GLRB: variants seen among roughly 807,000 people sequenced by gnomAD.
GLRB encodes the protein glycine receptor beta, also known as glycine receptor subunit beta.
Under a neutral mutation model 54.2 loss-of-function variants are expected in GLRB, and 33 were observed. The observed-to-expected ratio is 0.61, with a 90% CI of 0.46 to 0.81. The LOEUF (loss-of-function observed/expected upper bound fraction) is 0.81. GLRB is among the 40% of genes least tolerant of loss of function. The pLI, the probability that GLRB is intolerant of heterozygous loss-of-function variation, is 0.00. For synonymous variants in GLRB, 209 were observed against 208.2 expected, an observed-to-expected ratio of 1.00 and a Z score of -0.03; for missense variants, 572 against 584.6, an observed-to-expected ratio of 0.98 and a Z score of 0.22.
chr4:157,091,983 A>G lies in GLRB; in HGVS notation c.122+13837A>G, dbSNP rs1327749159. Among the ~76,000 whole-genome samples, 4 of 152,340 alleles carry G rather than the reference A, an allele frequency of 2.6e-5. No individual in the cohort carries two copies. In the East Asian group the frequency reaches 7.7e-4, roughly 29 times the overall value. ...CAAAATCAAATGCTACAAAAAATCAATGATGATAAATTTAAGGTGAAATTG... is the reference window on the plus strand; with the variant it reads ...CAAAATCAAATGCTACAAAAAATCAGTGATGATAAATTTAAGGTGAAATTG... On this transcript the variant is annotated intron_variant, in intron 2 of 9. Coordinates refer to ENST00000264428, the MANE Select transcript of GLRB (RefSeq NM_000824.5).
Position 157,122,252 on chromosome 4 carries a change from G to A in GLRB, c.230-78G>A. On this transcript the variant is annotated intron_variant, in intron 3 of 9. Transcript: ENST00000264428. ...ATTGGAAAAAATATAATAATTAAAT[G>A]TGCAAACCAAAAAAACTATGATGAT... 8.0e-6 allele frequency: 5 copies of A among 626,352 alleles called. 1 individual carries two copies. In the South Asian group the frequency reaches 8.4e-5, roughly 10 times the overall value. The allele number at this position is 626,352 out of a possible 1,614,324, so 38.8% of individuals were successfully genotyped here. A position where few individuals can be genotyped will look rare whatever the true frequency, so the allele number is the denominator to read the frequency against.
chr4:157,150,901 G>C lies in GLRB; in HGVS notation c.905-1817G>C, dbSNP rs556302178. On this transcript the variant is annotated intron_variant, in intron 8 of 9. Transcript: ENST00000264428. The stretch of plus-strand genomic sequence containing the variant: ...CCCCAACTACTAATTTTCTTTCTCA[G>C]TCTATTTTGTATATCCACACCAAAG... Among the ~76,000 whole-genome samples the C allele has an allele frequency of 4.0e-5, 6 of 151,620 alleles. No homozygotes were observed. In the South Asian group the frequency reaches 1.0e-3, roughly 26 times the overall value.
At chr4:157,092,819 G>A (rs1407370238) in intron 2 of GLRB, among the ~76,000 whole-genome samples, 1 of 152,190 alleles carries the variant, frequency 6.6e-6, no homozygotes, top group Non-Finnish European at 1.5e-5. Context: ...GTAGTAGTCA[G>A]GTGGTTGTTT....
intron 4 of GLRB, among the ~76,000 whole-genome samples, chr4:157,122,600 C>T (rs1024856530): frequency 2.0e-5 from 3 of 151,718 alleles, no homozygotes; most frequent in Non-Finnish European, 3.0e-5. Flanking sequence ...TTTAATATTG[C>T]GTTAAAACTT....
At chr4:157,106,805 A>T (rs185896669) in intron 2 of GLRB, among the ~76,000 whole-genome samples, 2 of 152,202 alleles carry the variant, frequency 1.3e-5, no homozygotes, top group Admixed American at 6.5e-5. Context: ...ACTTGCCGAT[A>T]GCCTATCCTA....
chr4:157,077,952 C>A, intron 1 of GLRB, 44 bp from the exon 2 acceptor site: 1 of 1,310,674 alleles, frequency 7.6e-7, no homozygotes, highest in South Asian at 1.2e-5. Flanking sequence ...ATATAGTTAT[C>A]ATTTTCTTCA....
At chr4:157,145,053 A>C (rs1736758657) in intron 8 of GLRB, among the ~76,000 whole-genome samples, 2 of 152,226 alleles carry the variant, frequency 1.3e-5, no homozygotes, top group Admixed American at 6.5e-5. Context: ...GACTTGTCAA[A>C]AATATATATT....
At chr4:157,125,613 A>T (rs1735988836) in intron 4 of GLRB, among the ~76,000 whole-genome samples, 1 of 151,602 alleles carries the variant, frequency 6.6e-6, no homozygotes, top group Non-Finnish European at 1.5e-5. Flanking sequence ...CCTCCTAGAA[A>T]TCTCCCCTAC....
At chr4:157,163,616 T>C (rs1251080292) in intron 9 of GLRB, among the ~76,000 whole-genome samples, 3 of 152,298 alleles carry the variant, frequency 2.0e-5, no homozygotes, top group Non-Finnish European at 2.9e-5. Context: ...GGGCTGCCCC[T>C]TTCTTTGTCT....
chr4:157,143,989 C>A, intron 8 of GLRB, 30 bp downstream of exon 8: 1 of 1,599,394 alleles, frequency 6.3e-7, no homozygotes, highest in Non-Finnish European at 8.6e-7. Context: ...TTTGTCACAT[C>A]AGGAACAGAT....
Position 157,130,940 on chromosome 4 carries a change from C to T in GLRB, c.298-5529C>T, listed in dbSNP as rs138033905. On this transcript the variant is annotated intron_variant, in intron 4 of 9. Transcript: ENST00000264428. ...CTGATCCAAGGAAGAATTCAAGAGA[C>T]TGCAGTGAAAGAAATAATGCTGAAA... 5.7e-3 allele frequency among the ~76,000 whole-genome samples: 865 copies of T among 151,730 alleles called. 10 individuals carry two copies. The highest frequency in any genetic ancestry group is 0.019 in the African/African-American group (798 of 41,478).
chr4:157,171,649 T>A lies in GLRB; in HGVS notation c.*921T>A, dbSNP rs1025796360. Reference sequence around the variant, plus strand: ...AAAGAAATCCATAACTATTAAAAGATTTTAACTTTTTTATTTTATTAAAAT... The same window carrying A: ...AAAGAAATCCATAACTATTAAAAGAATTTAACTTTTTTATTTTATTAAAAT... On this transcript the variant is annotated 3_prime_UTR_variant, in exon 10 of 10. Transcript: ENST00000264428. The A allele has an allele frequency of 5.5e-4, 84 of 152,354 alleles. No homozygotes were observed. The highest frequency in any genetic ancestry group is 2.0e-3 in the African/African-American group (82 of 41,450). 9.4% of individuals were successfully genotyped at this position (152,354 alleles called of 1,614,324 possible).
chr4:157,112,876 G>A (rs558569347), intron 2 of GLRB, among the ~76,000 whole-genome samples: 3 of 152,068 alleles, frequency 2.0e-5, no homozygotes, highest in African/African-American at 7.2e-5. Context: ...CTGGAGGGGT[G>A]ACCTTGATGG....
chr4:157,169,376 G>C (rs1737832960), intron 9 of GLRB, among the ~76,000 whole-genome samples: 1 of 151,988 alleles, frequency 6.6e-6, no homozygotes, highest in African/African-American at 2.4e-5. Context: ...CTCAATCATT[G>C]GTATTAGCCT....
In GLRB at chr4:157,136,408, G is replaced by A. The variant is rs112901368; in HGVS notation, c.298-61G>A. 7.7e-3 allele frequency: 7,620 copies of A among 990,192 alleles called. 43 individuals are homozygous for A. The highest frequency in any genetic ancestry group is 0.01 in the Non-Finnish European group (6,326 of 620,566). 61.3% of individuals were successfully genotyped at this position (990,192 alleles called of 1,614,324 possible). On this transcript the variant is annotated intron_variant, in intron 4 of 9. Coordinates refer to ENST00000264428, the MANE Select transcript of GLRB (RefSeq NM_000824.5). Reference sequence around the variant, plus strand: ...TTGTAACCCTTTTTGTTTTGGGGCCGAATAAGTTCTTAAAAATAGCAATAA... The same window carrying A: ...TTGTAACCCTTTTTGTTTTGGGGCCAAATAAGTTCTTAAAAATAGCAATAA...
At chr4:157,154,397 G>A (rs1169760560) in intron 9 of GLRB, among the ~76,000 whole-genome samples, 1 of 134,776 alleles carries the variant, frequency 7.4e-6, no homozygotes, top group Non-Finnish European at 1.6e-5. Context: ...GTTTATTTTG[G>A]TTTTTGTTTC....
At chr4:157,119,185 T>G (rs1484049324) in intron 2 of GLRB, among the ~76,000 whole-genome samples, 1 of 151,616 alleles carries the variant, frequency 6.6e-6, no homozygotes, top group African/African-American at 2.4e-5. Context: ...AAGCAATAGG[T>G]AGTTATCTCT....
intron 9 of GLRB, among the ~76,000 whole-genome samples, chr4:157,170,012 A>G (rs1398556183): frequency 6.6e-6 from 1 of 152,150 alleles, no homozygotes; most frequent in African/African-American, 2.4e-5. Context: ...AATAGGATCT[A>G]TAAGGAAGTC....
intron 2 of GLRB, among the ~76,000 whole-genome samples, chr4:157,080,729 G>A (rs186692276): frequency 1.1e-4 from 17 of 151,954 alleles, no homozygotes; most frequent in African/African-American, 3.9e-4. Context: ...ATCAAGTACA[G>A]ACTACCCTAA....
Sources: gnomAD v4.1 joint callset for allele counts (sites outside exome capture counted in the v4.1 genomes callset) on GRCh38, gnomAD v4.1.1 for gene constraint, MANE v1.5 for transcripts, NCBI Gene and HGNC (gene_info 2026-07-23, HGNC 2026-07-21) for gene names.